The following TSPAN15 variants were observed in gnomAD, a reference collection of about 807,000 sequenced individuals.
The protein encoded by TSPAN15 is tetraspanin-15.
Under a neutral mutation model 34.5 loss-of-function variants are expected in TSPAN15, and 20 were observed. That is an observed-to-expected ratio of 0.58 (90% CI 0.41 to 0.84). The LOEUF (loss-of-function observed/expected upper bound fraction) is 0.84. Ranked by LOEUF, TSPAN15 falls within the 40% of genes least tolerant of loss-of-function variation. The probability of loss-of-function intolerance (pLI) is 0.00; values close to 1 mark genes in which losing one functional copy is unlikely to be tolerated. For synonymous variants in TSPAN15, 155 were observed against 153.9 expected (o/e 1.01, Z -0.05); for missense variants, 313 against 386.1 (o/e 0.81, Z 1.59).
chr10:69,528,434 TAC>T, the TSPAN15 span, among the ~76,000 whole-genome samples: 4 of 148,546 alleles, frequency 2.7e-5, 1 homozygote, highest in Non-Finnish European at 6.0e-5. Context: ...CTGTTTGTGT[TAC>T]AGTTTCAACC....
intron 1 of TSPAN15, among the ~76,000 whole-genome samples, chr10:69,456,298 G>C (rs1264342097): frequency 6.6e-6 from 1 of 152,094 alleles, no homozygotes; most frequent in Non-Finnish European, 1.5e-5. Context: ...ATGTTGACCA[G>C]ACTGTCTCGA....
Position 69,451,613 on chromosome 10 carries a change from G to T in TSPAN15, c.19G>T (p.Glu7Ter). 2 of 1,522,438 alleles carry T rather than the reference G, an allele frequency of 1.3e-6. No homozygotes were observed. The highest frequency in any genetic ancestry group is 1.8e-6 in the Non-Finnish European group (2 of 1,132,528). 94.3% of individuals were successfully genotyped at this position (1,522,438 alleles called of 1,614,324 possible). A position where few individuals can be genotyped will look rare whatever the true frequency, so the allele number is the denominator to read the frequency against. The change falls in exon 1 of 8, where the codon GAG becomes TAG. Residue 7 changes from glutamate (E) to a stop codon, truncating the protein, a stop_gained. Transcript: ENST00000373290. LOFTEE classifies it high-confidence loss of function. MPRGDS[E>*]QVRYCARFSY... is the part of the protein sequence containing the mutation. ...GCCCAGGATGCCGCGCGGGGACTCG[G>T]AGCAGGTGCGCTACTGCGCGCGCTT... is the stretch of plus-strand genomic sequence containing the variant.
intron 1 of TSPAN15, among the ~76,000 whole-genome samples, chr10:69,455,040 G>A (rs1177202495): frequency 6.6e-6 from 1 of 150,410 alleles, no homozygotes; most frequent in Non-Finnish European, 1.5e-5. Flanking sequence ...GCGTGTGCCT[G>A]TAGTTTCAGC....
chr10:69,469,629 T>C (rs1462349667), intron 1 of TSPAN15, among the ~76,000 whole-genome samples: 1 of 152,210 alleles, frequency 6.6e-6, no homozygotes, highest in Non-Finnish European at 1.5e-5. Flanking sequence ...CAAAAGTAAT[T>C]GCAGTTTTTG....
At chr10:69,472,914 G>T (rs1841535851) in intron 1 of TSPAN15, among the ~76,000 whole-genome samples, 1 of 152,190 alleles carries the variant, frequency 6.6e-6, no homozygotes, top group Non-Finnish European at 1.5e-5. Flanking sequence ...TAACACATTT[G>T]CATAGTACGT....
At chr10:69,460,255 G>A (rs1028692529) in intron 1 of TSPAN15, among the ~76,000 whole-genome samples, 2 of 152,030 alleles carry the variant, frequency 1.3e-5, no homozygotes, top group Admixed American at 6.5e-5. Flanking sequence ...ATGGCACACT[G>A]TCAGAAGCAC....
At chr10:69,537,172 G>T in the TSPAN15 span, among the ~76,000 whole-genome samples, 3 of 152,084 alleles carry the variant, frequency 2.0e-5, no homozygotes, top group Non-Finnish European at 4.4e-5. Context: ...TGGGTTTTAA[G>T]AATTATAATA....
At chr10:69,456,510 T>A (rs1040900731) in intron 1 of TSPAN15, among the ~76,000 whole-genome samples, 36 of 152,318 alleles carry the variant, frequency 2.4e-4, no homozygotes, top group African/African-American at 8.4e-4. Context: ...AATTTATTTT[T>A]AAAAGGAGGC....
chr10:69,456,980 C>T (rs893603542), intron 1 of TSPAN15, among the ~76,000 whole-genome samples: 28 of 152,176 alleles, frequency 1.8e-4, no homozygotes, highest in Non-Finnish European at 3.8e-4. Flanking sequence ...CTTGGCCCTT[C>T]CAGTAAGTCA....
chr10:69,543,942 T>C, the TSPAN15 span, among the ~76,000 whole-genome samples: 9 of 142,938 alleles, frequency 6.3e-5, no homozygotes, highest in African/African-American at 2.3e-4. Context: ...AACAAAGCCC[T>C]CAGGCCTCCA....
At chr10:69,492,397 C>A (rs1312343900) in intron 3 of TSPAN15, among the ~76,000 whole-genome samples, 1 of 152,226 alleles carries the variant, frequency 6.6e-6, no homozygotes, top group Non-Finnish European at 1.5e-5. Context: ...ATCTCAGTGT[C>A]CTCGTCTCCC....
intron 4 of TSPAN15, among the ~76,000 whole-genome samples, chr10:69,496,603 A>G (rs1842090626): frequency 6.6e-6 from 1 of 152,140 alleles, no homozygotes; most frequent in Non-Finnish European, 1.5e-5. Flanking sequence ...CTGGGTGAGG[A>G]CAAGTAGAGT....
the TSPAN15 span, among the ~76,000 whole-genome samples, chr10:69,531,857 A>G: frequency 1.3e-5 from 2 of 152,102 alleles, no homozygotes; most frequent in African/African-American, 2.4e-5. Context: ...GACTTCCCTC[A>G]ATGTAACAAA....
At chr10:69,545,329 C>T in the TSPAN15 span, among the ~76,000 whole-genome samples, 108 of 152,258 alleles carry the variant, frequency 7.1e-4, no homozygotes, top group Admixed American at 1.6e-3. Context: ...CTTCCTGCTC[C>T]CCTCTGATCT....
At chr10:69,522,731 G>A in the TSPAN15 span, among the ~76,000 whole-genome samples, 1 of 147,564 alleles carries the variant, frequency 6.8e-6, no homozygotes, top group Non-Finnish European at 1.5e-5. Flanking sequence ...CCTAATGCCT[G>A]TTTCATTCCG....
chr10:69,547,073 A>T, the TSPAN15 span, among the ~76,000 whole-genome samples: 14 of 152,222 alleles, frequency 9.2e-5, no homozygotes, highest in South Asian at 2.9e-3. Context: ...GTGGAATCAC[A>T]TGCCTGTAAT....
chr10:69,536,430 G>A, the TSPAN15 span, among the ~76,000 whole-genome samples: 1 of 152,200 alleles, frequency 6.6e-6, no homozygotes, highest in African/African-American at 2.4e-5. Flanking sequence ...CTGTCCCCAA[G>A]GGTTTCATAG....
At chr10:69,537,984 A>C in the TSPAN15 span, among the ~76,000 whole-genome samples, 2 of 152,210 alleles carry the variant, frequency 1.3e-5, no homozygotes, top group African/African-American at 4.8e-5. Flanking sequence ...AGTTCTTGTG[A>C]TGGCCCTTAG....
chr10:69,516,859 T>A, the TSPAN15 span, among the ~76,000 whole-genome samples: 3 of 152,172 alleles, frequency 2.0e-5, no homozygotes, highest in East Asian at 5.8e-4. Context: ...GAGGTTGTGG[T>A]GCCTGGGACA....
Sources: gnomAD v4.1 joint callset for allele counts (sites outside exome capture counted in the v4.1 genomes callset) on GRCh38, gnomAD v4.1.1 for gene constraint, MANE v1.5 for transcripts, NCBI Gene and HGNC (gene_info 2026-07-23, HGNC 2026-07-21) for gene names.